PCSK5: variants seen among roughly 807,000 people sequenced by gnomAD.
The protein encoded by PCSK5 is proprotein convertase subtilisin/kexin type 5, also known as prohormone convertase 5.
In PCSK5, 129 loss-of-function variants were observed where a neutral mutation model predicts 233.2. That is an observed-to-expected ratio of 0.55 (90% CI 0.48 to 0.64). PCSK5 has a LOEUF of 0.64. PCSK5 is among the 30% of genes least tolerant of loss of function. PCSK5 has a pLI of 0.00. For synonymous variants in PCSK5, 825 were observed against 879.2 expected (o/e 0.94, Z 1.09); for missense variants, 2,076 against 2,430.1 (o/e 0.85, Z 3.06).
At chr9:76,156,911 T>A (rs1378808254) in intron 10 of PCSK5, 134 bp from the exon 11 acceptor site, 1 of 679,712 alleles carries the variant, frequency 1.5e-6, no homozygotes, top group Non-Finnish European at 2.7e-6. Flanking sequence ...TTTGTTTTGC[T>A]GGATTTATTT....
chr9:76,314,890 G>A (rs977472990), intron 30 of PCSK5, among the ~76,000 whole-genome samples: 83 of 150,048 alleles, frequency 5.5e-4, no homozygotes, highest in Admixed American at 4.5e-3. Flanking sequence ...TCCGACCACC[G>A]TGGCCTCCCA....
intron 30 of PCSK5, among the ~76,000 whole-genome samples, chr9:76,320,939 C>A (rs1366852730): frequency 1.3e-5 from 2 of 151,940 alleles, no homozygotes; most frequent in Non-Finnish European, 2.9e-5. Context: ...CTCAGCCTCC[C>A]GAGTAGCTGA....
At chr9:76,215,865 G>A (rs1339835346) in intron 20 of PCSK5, among the ~76,000 whole-genome samples, 1 of 152,076 alleles carries the variant, frequency 6.6e-6, no homozygotes, top group Non-Finnish European at 1.5e-5. Flanking sequence ...CTTGAACCTG[G>A]GAAGCAGAGG....
At chr9:76,189,793 TTCTACTTTCAGGACTA>T in intron 20 of PCSK5, 47 bp downstream of exon 20, 2 of 979,668 alleles carry the variant, frequency 2.0e-6, no homozygotes, top group African/African-American at 1.6e-5. Context: ...AGTATGATCT[TTCTACTTTCAGGACTA>T]ATATTTTTCC....
At chr9:76,324,407 T>C (rs1829300090) in intron 32 of PCSK5, among the ~76,000 whole-genome samples, 1 of 152,060 alleles carries the variant, frequency 6.6e-6, no homozygotes, top group African/African-American at 2.4e-5. Context: ...ATTTTTGCAT[T>C]TTTAGTAGAG....
chr9:76,132,627 G>A (rs190653524), intron 9 of PCSK5, among the ~76,000 whole-genome samples: 1 of 152,142 alleles, frequency 6.6e-6, no homozygotes, highest in East Asian at 1.9e-4. Context: ...CACCAAATAA[G>A]AGCTGTGGAT....
Position 76,090,387 on chromosome 9 carries a change from C to G in PCSK5, c.895-5503C>G, listed in dbSNP as rs1018881163. 2.6e-5 allele frequency among the ~76,000 whole-genome samples: 4 copies of G among 151,990 alleles called. No individual in the cohort carries two copies. In the East Asian group the frequency reaches 7.7e-4, roughly 29 times the overall value. ...CTGTAGGAAATGTATCTTTGAATTG[C>G]TAATTGTTTAGGATTAACCCCATAG... On this transcript the variant is annotated intron_variant, in intron 7 of 37. Transcript: ENST00000674117.
At chr9:75,983,552 C>T (rs548919146) in intron 2 of PCSK5, among the ~76,000 whole-genome samples, 1 of 152,242 alleles carries the variant, frequency 6.6e-6, no homozygotes, top group Non-Finnish European at 1.5e-5. Context: ...TCATGTAGCA[C>T]ATGTATGTTT....
chr9:76,103,147 C>T (rs927388806), intron 8 of PCSK5, among the ~76,000 whole-genome samples: 1 of 152,096 alleles, frequency 6.6e-6, no homozygotes. Flanking sequence ...TTTTATTTTA[C>T]TGTGCTTAAT....
At chr9:76,074,591 T>C (rs1830581496) in intron 7 of PCSK5, among the ~76,000 whole-genome samples, 1 of 152,170 alleles carries the variant, frequency 6.6e-6, no homozygotes, top group Non-Finnish European at 1.5e-5. Context: ...GGCTTTCAGG[T>C]TAGGCTAGGA....
In PCSK5 at chr9:76,338,392, A is replaced by G; in HGVS notation, c.4911A>G (p.Val1637=). The change falls in exon 35 of 38, where the codon GTA becomes GTG. Residue 1637 remains valine (V), a synonymous_variant. Coordinates refer to ENST00000674117, the MANE Select transcript of PCSK5 (RefSeq NM_001372043.1). The part of the protein sequence containing the change: ...CHRSCPDHYY[V]EQSTQTCERC... ...GCTCCTGCCCAGACCATTACTATGTAGAGCAAAGCACACAGACCTGTGAGA... is the reference window on the plus strand; with the variant it reads ...GCTCCTGCCCAGACCATTACTATGTGGAGCAAAGCACACAGACCTGTGAGA... The G allele has an allele frequency of 6.2e-7, 1 of 1,612,798 alleles. No individual in the cohort carries two copies. The highest frequency in any genetic ancestry group is 8.5e-7 in the Non-Finnish European group (1 of 1,179,830).
intron 2 of PCSK5, among the ~76,000 whole-genome samples, chr9:75,984,127 A>G (rs888814519): frequency 6.6e-6 from 1 of 152,222 alleles, no homozygotes; most frequent in African/African-American, 2.4e-5. Flanking sequence ...GTAAAATTAT[A>G]GAAGGGATGC....
chr9:75,976,247 T>C (rs1826006841), intron 2 of PCSK5, among the ~76,000 whole-genome samples: 1 of 148,904 alleles, frequency 6.7e-6, no homozygotes, highest in Admixed American at 6.8e-5. Flanking sequence ...AACCCCCTAC[T>C]TCATGTTGGG....
At position 76,134,195 on chromosome 9, in the gene PCSK5, A is replaced by G; in HGVS notation, c.1295A>G (p.Asn432Ser). 6.3e-7 allele frequency: 1 copy of G among 1,599,498 alleles called. No homozygotes were observed. The highest frequency in any genetic ancestry group is 8.5e-7 in the Non-Finnish European group (1 of 1,170,192). The change falls in exon 10 of 38, where the codon AAT (asparagine) becomes AGT (serine). Residue 432 changes from asparagine to serine, a missense_variant. Around this residue, in one of 6 missense-constraint regions of PCSK5, gnomAD observed 178 missense variants for 393.6 expected, o/e 0.45. Transcript: ENST00000674117. ...TTGAACGCTAATGACTGGAAAACCAATGCTGCTGGTTTTAAGGGTGAGAAC... is the reference window on the plus strand; with the variant it reads ...TTGAACGCTAATGACTGGAAAACCAGTGCTGCTGGTTTTAAGGGTGAGAAC... The part of the protein sequence containing the change: ...GHLNANDWKT[N>S]AAGFKVSHLY...
intron 1 of PCSK5, among the ~76,000 whole-genome samples, chr9:75,900,908 T>C (rs763058347): frequency 1.3e-5 from 2 of 152,026 alleles, no homozygotes; most frequent in Non-Finnish European, 2.9e-5. Context: ...CATTCATGAT[T>C]GTATCCCCAG....
At chr9:75,965,650 C>T (rs925447831) in intron 2 of PCSK5, among the ~76,000 whole-genome samples, 1 of 152,206 alleles carries the variant, frequency 6.6e-6, no homozygotes, top group African/African-American at 2.4e-5. Context: ...TCCAGAAACA[C>T]CCTCACAGTT....
chr9:76,314,516 A>G (rs1828962364), intron 30 of PCSK5, among the ~76,000 whole-genome samples: 1 of 152,226 alleles, frequency 6.6e-6, no homozygotes, highest in Non-Finnish European at 1.5e-5. Context: ...TAGAACAGCA[A>G]TAAGATTTAT....
intron 5 of PCSK5, among the ~76,000 whole-genome samples, chr9:76,064,505 G>A (rs1342069402): frequency 2.0e-5 from 3 of 148,106 alleles, no homozygotes; most frequent in Non-Finnish European, 3.0e-5. Flanking sequence ...CCGGGCGGGG[G>A]GCTGAACCCC....
intron 3 of PCSK5, among the ~76,000 whole-genome samples, chr9:76,022,200 GT>G (rs1417555484): frequency 1.3e-5 from 2 of 152,160 alleles, no homozygotes; most frequent in Non-Finnish European, 2.9e-5. Flanking sequence ...GAATGGTCTT[GT>G]TTATTTGGTG....
Sources: allele counts gnomAD v4.1 joint callset (sites outside exome capture counted in the v4.1 genomes callset), GRCh38; gene constraint gnomAD v4.1.1; regional missense constraint gnomAD v4.1.1; transcripts MANE v1.5; gene names NCBI Gene and HGNC (gene_info 2026-07-23, HGNC 2026-07-21).